The following HTRA4 variants were observed in gnomAD, a reference collection of about 807,000 sequenced individuals.
HTRA4 encodes the protein HtrA serine peptidase 4.
A neutral mutation model predicts 49.1 loss-of-function variants in HTRA4; 46 were observed. That is an observed-to-expected ratio of 0.94 (90% CI 0.74 to 1.20). The LOEUF is 1.20. Among genes scored for constraint, HTRA4 ranks in the 50% most tolerant of loss-of-function variants. HTRA4 has a pLI of 0.00. For synonymous variants in HTRA4, 261 were observed against 264.0 expected (o/e 0.99, Z 0.11); for missense variants, 602 against 636.9 (o/e 0.95, Z 0.59).
chr8:38,975,238 A>G, intron 2 of HTRA4, 108 bp downstream of exon 2: 1 of 1,117,004 alleles, frequency 9.0e-7, no homozygotes. Context: ...ACCAGTGAGG[A>G]AACTGAGACG....
chr8:38,974,867 T>A (rs563129618), intron 1 of HTRA4, 138 bp downstream of exon 1: 2 of 1,180,226 alleles, frequency 1.7e-6, no homozygotes, highest in Non-Finnish European at 1.2e-6. Flanking sequence ...ACCTCTGTGT[T>A]CCTGATTTCC....
In HTRA4 at chr8:38,988,092, C is replaced by CA; in HGVS notation, c.1427dup (p.Asn476LysfsTer7). 1.3e-6 allele frequency: 2 copies of CA among 1,558,008 alleles called. No individual in the cohort carries two copies. The highest frequency in any genetic ancestry group is 1.7e-6 in the Non-Finnish European group (2 of 1,155,044). On this transcript the variant is annotated frameshift_variant, in exon 9 of 9. Transcript: ENST00000302495. LOFTEE classifies it high-confidence loss of function. ...TCCTGACAGTCATACCTGAAACAAT[C>CA]AATTAAATATCTTGTTTTAAAGTGG...
intron 5 of HTRA4, among the ~76,000 whole-genome samples, chr8:38,980,586 A>AC (rs899019123): frequency 9.2e-5 from 14 of 151,550 alleles, no homozygotes; most frequent in African/African-American, 3.4e-4. Flanking sequence ...AAAAAAAAAA[A>AC]AATTAACTGG....
chr8:38,975,546 C>A (rs1835339880), intron 2 of HTRA4, among the ~76,000 whole-genome samples: 1 of 152,138 alleles, frequency 6.6e-6, no homozygotes, highest in African/African-American at 2.4e-5. Flanking sequence ...GTAACTGGGA[C>A]TATAGGCAGG....
At chr8:38,986,606 A>C (rs1334912709) in intron 8 of HTRA4, among the ~76,000 whole-genome samples, 3 of 152,204 alleles carry the variant, frequency 2.0e-5, no homozygotes, top group Admixed American at 6.5e-5. Context: ...TGCTCCCAAC[A>C]TTTTATGATA....
At chr8:38,978,432 C>T (rs535262296) in intron 4 of HTRA4, among the ~76,000 whole-genome samples, 5 of 152,338 alleles carry the variant, frequency 3.3e-5, no homozygotes, top group South Asian at 4.1e-4. Flanking sequence ...ACCACCCCTC[C>T]GTCTGTGGAA....
Position 38,988,209 on chromosome 8 carries a change from C to G in HTRA4, c.*111C>G. ...AAGAAGTTTTTGGATCTTTTTCTTA[C>G]AAAGAAAAATGGATGGTTATCAACC... On this transcript the variant is annotated 3_prime_UTR_variant, in exon 9 of 9. Coordinates refer to ENST00000302495, the MANE Select transcript of HTRA4 (RefSeq NM_153692.4). The G allele has an allele frequency of 3.0e-6, 3 of 990,172 alleles. No individual in the cohort carries two copies. The highest frequency in any genetic ancestry group is 4.3e-6 in the Non-Finnish European group (3 of 699,828). The allele number at this position is 990,172 out of a possible 1,614,324, so 61.3% of individuals were successfully genotyped here.
intron 8 of HTRA4, among the ~76,000 whole-genome samples, chr8:38,985,794 C>G (rs1032248015): frequency 1.3e-5 from 2 of 152,210 alleles, no homozygotes; most frequent in Non-Finnish European, 2.9e-5. Flanking sequence ...GGCAGAATCC[C>G]AGGTCCCACC....
At chr8:38,983,953 T>C (rs1030026168) in intron 8 of HTRA4, among the ~76,000 whole-genome samples, 1 of 152,152 alleles carries the variant, frequency 6.6e-6, no homozygotes, top group Non-Finnish European at 1.5e-5. Flanking sequence ...TTAATAACTA[T>C]TAAGTGATTA....
At chr8:38,983,550 T>C (rs1176108083) in intron 8 of HTRA4, among the ~76,000 whole-genome samples, 1 of 152,018 alleles carries the variant, frequency 6.6e-6, no homozygotes, top group Non-Finnish European at 1.5e-5. Flanking sequence ...TATCATTATA[T>C]AGTAGTATAT....
At chr8:38,976,978 C>T (rs1471524511) in intron 3 of HTRA4, among the ~76,000 whole-genome samples, 1 of 152,100 alleles carries the variant, frequency 6.6e-6, no homozygotes, top group African/African-American at 2.4e-5. Flanking sequence ...CTCTGTCACC[C>T]AGGCTGGAGT....
chr8:38,974,444 C>A lies in HTRA4; in HGVS notation c.181C>A (p.Pro61Thr). Residue 61 changes from proline (P) to threonine (T), a missense_variant, in exon 1 of 9, where the codon CCG (proline) becomes ACG (threonine). Pro to Thr is a conservative substitution (Grantham distance 38). Coordinates refer to ENST00000302495, the MANE Select transcript of HTRA4 (RefSeq NM_153692.4). ...GCCCACCTGCGCGCTGGGGACCACGCCGGTGTTCGACCTGTGCCGCTGTTG... is the reference window on the plus strand; with the variant it reads ...GCCCACCTGCGCGCTGGGGACCACGACGGTGTTCGACCTGTGCCGCTGTTG... ...ALPTCALGTTPVFDLCRCCRV... is the reference protein window; with the variant it reads ...ALPTCALGTTTVFDLCRCCRV... The A allele has an allele frequency of 6.5e-7, 1 of 1,543,320 alleles. No homozygotes were observed. The highest frequency in any genetic ancestry group is 2.4e-5 in the East Asian group (1 of 41,180).
At chr8:38,981,075 T>TTTGTTTTG in intron 5 of HTRA4, among the ~76,000 whole-genome samples, 1 of 102,200 alleles carries the variant, frequency 9.8e-6, no homozygotes, top group East Asian at 2.5e-4. Flanking sequence ...TTTTTTTTTT[T>TTTGTTTTG]TTTTTTTTTT....
At chr8:38,977,219 A>G (rs1835363178) in intron 3 of HTRA4, among the ~76,000 whole-genome samples, 1 of 150,930 alleles carries the variant, frequency 6.6e-6, no homozygotes, top group African/African-American at 2.4e-5. Flanking sequence ...TACAGGTGTG[A>G]GCCACTGCGC....
chr8:38,986,263 A>G, intron 8 of HTRA4, among the ~76,000 whole-genome samples: 1 of 152,130 alleles, frequency 6.6e-6, no homozygotes, highest in East Asian at 1.9e-4. Flanking sequence ...CTCAGGCACT[A>G]TTTGAAGTGT....
In HTRA4 at chr8:38,975,031, G is replaced by GGAC. The variant is rs1470168502; in HGVS notation, c.468_470dup (p.Thr157dup). The stretch of plus-strand genomic sequence containing the variant: ...CTCTTGAGCCAGTATTTTTTCATAG[G>GGAC]GACCAGAAGCGCAGGCCCGCTCAGG... On this transcript the variant is annotated inframe_insertion and splice_region_variant, in exon 2 of 9. Coordinates refer to ENST00000302495, the MANE Select transcript of HTRA4 (RefSeq NM_153692.4). 1 of 1,613,990 alleles carries GGAC rather than the reference G, an allele frequency of 6.2e-7. No homozygotes were observed. The highest frequency in any genetic ancestry group is 1.1e-5 in the South Asian group (1 of 91,068).
chr8:38,976,473 T>C (rs1835352406), intron 2 of HTRA4, 62 bp from the exon 3 acceptor site: 1 of 1,472,460 alleles, frequency 6.8e-7, no homozygotes, highest in Admixed American at 1.7e-5. Context: ...ATGACTCAGA[T>C]TATATGGCTG....
intron 1 of HTRA4, 77 bp downstream of exon 1, chr8:38,974,806 C>G: frequency 7.5e-7 from 1 of 1,335,720 alleles, no homozygotes; most frequent in Non-Finnish European, 1.0e-6. Context: ...CTCACTGAGA[C>G]CGCACAGTTC....
intron 5 of HTRA4, among the ~76,000 whole-genome samples, chr8:38,981,415 G>C (rs1279044159): frequency 6.6e-6 from 1 of 151,928 alleles, no homozygotes; most frequent in African/African-American, 2.4e-5. Context: ...CAGCATCCTT[G>C]ATCCTTTGGC....
Sources: gnomAD v4.1 joint callset for allele counts (sites outside exome capture counted in the v4.1 genomes callset) on GRCh38, gnomAD v4.1.1 for gene constraint, MANE v1.5 for transcripts, NCBI Gene and HGNC (gene_info 2026-07-23, HGNC 2026-07-21) for gene names.